Variants in LRRC49 observed in about 807,000 individuals in gnomAD.
LRRC49 encodes leucine rich repeat containing 49, also known as leucine-rich repeat-containing protein 49.
A neutral mutation model predicts 83.3 loss-of-function variants in LRRC49; 50 were observed. The ratio of observed to expected loss-of-function variants is 0.60; its 90% CI spans 0.48 to 0.76. The LOEUF (loss-of-function observed/expected upper bound fraction) is 0.76. Ranked by LOEUF, LRRC49 falls within the 30% of genes least tolerant of loss-of-function variation. LRRC49 has a pLI of 0.00. For synonymous variants in LRRC49, 286 were observed against 283.3 expected (o/e 1.01, Z -0.10); for missense variants, 704 against 809.1 (o/e 0.87, Z 1.58).
intron 9 of LRRC49, 137 bp downstream of exon 9, chr15:70,964,069 C>A: frequency 1.3e-6 from 1 of 740,784 alleles, no homozygotes; most frequent in Non-Finnish European, 1.9e-6. Flanking sequence ...TTCATAATTG[C>A]AATTATGTAG....
chr15:70,931,462 C>T (rs1418911772), intron 7 of LRRC49, among the ~76,000 whole-genome samples: 2 of 151,874 alleles, frequency 1.3e-5, no homozygotes, highest in Non-Finnish European at 2.9e-5. Context: ...AAAATGTGAC[C>T]TAGAGACGAA....
Position 70,978,200 on chromosome 15 carries a change from ACTTCAGTG to A in LRRC49, c.922-1900_922-1893del, listed in dbSNP as rs1439483625. Among the ~76,000 whole-genome samples, 269 of 152,232 alleles carry A rather than the reference ACTTCAGTG, an allele frequency of 1.8e-3. 1 individual carries two copies. Among genetic ancestry groups the A allele is most frequent in the Non-Finnish European group, 3.1e-3 (213 of 67,992 alleles). Reference sequence around the variant, plus strand: ...TTGTGCTGCAGTAACAGCTTCTCTAACTTCAGTGAATTAAAACAACAAAGTTTATTTCA... The same window carrying A: ...TTGTGCTGCAGTAACAGCTTCTCTAAAATTAAAACAACAAAGTTTATTTCA... On this transcript the variant is annotated intron_variant, in intron 9 of 15. Transcript: ENST00000260382.
At chr15:70,869,629 T>A (rs2032986837) in intron 1 of LRRC49, among the ~76,000 whole-genome samples, 1 of 152,156 alleles carries the variant, frequency 6.6e-6, no homozygotes, top group African/African-American at 2.4e-5. Context: ...TTACTGTCAG[T>A]ACAATACAGG....
chr15:70,862,281 T>C (rs552409095), intron 1 of LRRC49, among the ~76,000 whole-genome samples: 2 of 152,094 alleles, frequency 1.3e-5, no homozygotes, highest in South Asian at 4.2e-4. Flanking sequence ...GGGGGGCTTT[T>C]AAAAATTCTG....
At chr15:71,044,179 T>C (rs1365690187) in intron 15 of LRRC49, among the ~76,000 whole-genome samples, 1 of 152,202 alleles carries the variant, frequency 6.6e-6, no homozygotes, top group East Asian at 1.9e-4. Context: ...AGGTGGCTAA[T>C]GTTCAGACTA....
chr15:71,003,045 C>T (rs2038322270), intron 11 of LRRC49, among the ~76,000 whole-genome samples: 1 of 129,256 alleles, frequency 7.7e-6, no homozygotes, highest in Admixed American at 9.7e-5. Context: ...TCAAGCAATT[C>T]TCCTGCCTCA....
intron 11 of LRRC49, among the ~76,000 whole-genome samples, chr15:71,002,783 A>AG (rs1407086489): frequency 1.3e-5 from 2 of 152,142 alleles, no homozygotes; most frequent in African/African-American, 2.4e-5. Flanking sequence ...GGTTAAAAAA[A>AG]CAATAATAAT....
chr15:70,906,541 C>T (rs1254572135), intron 5 of LRRC49, among the ~76,000 whole-genome samples: 4 of 152,204 alleles, frequency 2.6e-5, no homozygotes, highest in East Asian at 1.9e-4. Context: ...CACTTTCTCT[C>T]GTATTTAAGC....
chr15:70,919,837 A>T (rs1435707375), intron 7 of LRRC49, among the ~76,000 whole-genome samples: 2 of 152,190 alleles, frequency 1.3e-5, no homozygotes, highest in African/African-American at 4.8e-5. Flanking sequence ...GAGAACTGGC[A>T]TGTGAGCAGG....
At chr15:70,932,003 A>G (rs1047714640) in intron 7 of LRRC49, among the ~76,000 whole-genome samples, 4 of 152,176 alleles carry the variant, frequency 2.6e-5, no homozygotes, top group Non-Finnish European at 4.4e-5. Context: ...TAGCTCTCCT[A>G]GATTATAAAG....
intron 7 of LRRC49, among the ~76,000 whole-genome samples, chr15:70,923,162 G>T (rs554445403): frequency 6.6e-6 from 1 of 151,996 alleles, no homozygotes; most frequent in South Asian, 2.1e-4. Flanking sequence ...GTGTTATTTA[G>T]AAGTACACCT....
At chr15:70,983,056 G>A (rs2037462114) in intron 10 of LRRC49, among the ~76,000 whole-genome samples, 1 of 152,060 alleles carries the variant, frequency 6.6e-6, no homozygotes, top group South Asian at 2.1e-4. Context: ...TTTCAATGCA[G>A]GATTGTAGTC....
chr15:70,985,021 G>GTC (rs1332176378), intron 11 of LRRC49, among the ~76,000 whole-genome samples: 2 of 133,118 alleles, frequency 1.5e-5, no homozygotes, highest in African/African-American at 5.7e-5. Context: ...TCTTAATCCA[G>GTC]TCTATCATTG....
At chr15:70,871,691 G>A (rs953814033) in intron 1 of LRRC49, among the ~76,000 whole-genome samples, 2 of 149,550 alleles carry the variant, frequency 1.3e-5, no homozygotes, top group African/African-American at 4.9e-5. Flanking sequence ...GGGCGGCCAG[G>A]AAGAGACGCT....
chr15:71,026,330 G>T (rs780240532), intron 14 of LRRC49, among the ~76,000 whole-genome samples: 2 of 152,098 alleles, frequency 1.3e-5, no homozygotes, highest in Non-Finnish European at 2.9e-5. Flanking sequence ...TGGGCATTTG[G>T]GTTGGTTCCA....
chr15:70,887,664 G>C (rs1016348135), upstream of LRRC49, among the ~76,000 whole-genome samples: 15 of 152,204 alleles, frequency 9.9e-5, no homozygotes, highest in Non-Finnish European at 1.6e-4. Context: ...AATATTAAAG[G>C]CTTTCCCTCT....
chr15:70,911,632 GAAAAAAAGT>G, intron 6 of LRRC49, 34 bp downstream of exon 6: 1 of 1,316,786 alleles, frequency 7.6e-7, no homozygotes, highest in Non-Finnish European at 1.1e-6. Flanking sequence ...TTTCTTTTTT[GAAAAAAAGT>G]CCAGGAAAAT....
At chr15:70,913,082 T>G (rs986280931) in intron 6 of LRRC49, among the ~76,000 whole-genome samples, 2 of 152,228 alleles carry the variant, frequency 1.3e-5, no homozygotes, top group Non-Finnish European at 2.9e-5. Flanking sequence ...CTTTGAAATG[T>G]AATATTTATA....
intron 11 of LRRC49, among the ~76,000 whole-genome samples, chr15:70,995,189 C>A (rs555627459): frequency 6.6e-6 from 1 of 152,038 alleles, no homozygotes; most frequent in Non-Finnish European, 1.5e-5. Flanking sequence ...ATAGTCTAGG[C>A]GAGATTTTTA....
Sources: gnomAD v4.1 joint callset for allele counts (sites outside exome capture counted in the v4.1 genomes callset) on GRCh38, gnomAD v4.1.1 for gene constraint, MANE v1.5 for transcripts, NCBI Gene and HGNC (gene_info 2026-07-23, HGNC 2026-07-21) for gene names.